RECK: variants seen among roughly 807,000 people sequenced by gnomAD.
RECK encodes the protein reversion-inducing cysteine-rich protein with Kazal motifs.
Under a neutral mutation model 115.1 loss-of-function variants are expected in RECK, and 69 were observed. That is an observed-to-expected ratio of 0.60 (90% CI 0.49 to 0.73). The LOEUF is 0.73. Among genes scored for constraint, RECK ranks in the 30% least tolerant of loss-of-function variants. The pLI, the probability that RECK is intolerant of heterozygous loss-of-function variation, is 0.00. For missense variants in RECK, 1,047 were observed against 1,203.7 expected (o/e 0.87, Z 1.93); for synonymous variants, 414 against 419.7 (o/e 0.99, Z 0.17).
intron 17 of RECK, among the ~76,000 whole-genome samples, chr9:36,117,440 C>T (rs1471663397): frequency 6.6e-6 from 1 of 152,176 alleles, no homozygotes. Flanking sequence ...AGGAAAAGAA[C>T]TTAAAAGTTT....
chr9:36,111,987 G>C (rs911346959), intron 15 of RECK, among the ~76,000 whole-genome samples: 2 of 151,410 alleles, frequency 1.3e-5, no homozygotes, highest in African/African-American at 4.9e-5. Context: ...GCTGGGCGTG[G>C]TGGCATGCGC....
At chr9:36,045,466 A>T (rs1490015585) in intron 1 of RECK, among the ~76,000 whole-genome samples, 1 of 152,052 alleles carries the variant, frequency 6.6e-6, no homozygotes, top group African/African-American at 2.4e-5. Context: ...TTTCTCCTGA[A>T]GTGTGTAATA....
At position 36,094,769 on chromosome 9, in the gene RECK, GAT is replaced by G. The variant is rs1823276456; in HGVS notation, c.1085+3428_1085+3429del. On this transcript the variant is annotated intron_variant, in intron 10 of 20. Transcript: ENST00000377966. This position sits in a 1 kb window ranked among gnomAD's most constrained non-coding sequence, Gnocchi z 4.1. Reference sequence around the variant, plus strand: ...CTAGATATATATGCACCTAATGTCAGATAGATGCATATACTCAAAATACTTAA... The same window carrying G: ...CTAGATATATATGCACCTAATGTCAGAGATGCATATACTCAAAATACTTAA... Among the ~76,000 whole-genome samples the G allele has an allele frequency of 6.6e-6, 1 of 152,132 alleles. No individual in the cohort carries two copies. The highest frequency in any genetic ancestry group is 2.4e-5 in the African/African-American group (1 of 41,440).
chr9:36,121,763 C>T (rs1824470207), intron 20 of RECK, 75 bp downstream of exon 20: 1 of 1,487,698 alleles, frequency 6.7e-7, no homozygotes, highest in South Asian at 1.2e-5. Flanking sequence ...TGGGCACAAA[C>T]TAGGACCGAG....
At chr9:36,105,066 C>T (rs981937118) in intron 12 of RECK, 77 bp from the exon 13 acceptor site, 1 of 1,233,216 alleles carries the variant, frequency 8.1e-7, no homozygotes, top group Admixed American at 2.1e-5. Context: ...TTATTCCAGC[C>T]ATAATTAATT....
At chr9:36,113,417 A>G (rs1296725136) in intron 16 of RECK, among the ~76,000 whole-genome samples, 4 of 152,218 alleles carry the variant, frequency 2.6e-5, no homozygotes, top group Non-Finnish European at 4.4e-5. Context: ...AATCCAAGAA[A>G]GTTTCTATGG....
rs749199986 is a variant in RECK at position 36,121,604 on chromosome 9, G to A, written c.2610G>A (p.Gln870=). The A allele has an allele frequency of 1.8e-5, 29 of 1,614,022 alleles. No homozygotes were observed. The East Asian group carries it at 3.8e-4, about 21-fold the overall frequency. ...TCCGCATGCACGTGTCTGTCCCACA[G>A]TGTGATGTGTTTGGATACTTCAGCA... The part of the protein sequence containing the change: ...QKIRMHVSVP[Q]CDVFGYFSIE... Residue 870 remains glutamine (Q), a synonymous_variant, in exon 20 of 21, where the codon CAG becomes CAA. Transcript: ENST00000377966.
At chr9:36,105,347 T>C in intron 13 of RECK, 64 bp downstream of exon 13, 1 of 1,544,346 alleles carries the variant, frequency 6.5e-7, no homozygotes, top group Non-Finnish European at 8.9e-7. Flanking sequence ...TTATAGGAGC[T>C]ATCTTTCTTT....
intron 11 of RECK, among the ~76,000 whole-genome samples, chr9:36,101,508 C>G (rs1010478968): frequency 6.6e-6 from 1 of 152,250 alleles, no homozygotes; most frequent in African/African-American, 2.4e-5. Context: ...TCTGACATGG[C>G]TTCGGGATAA....
At chr9:36,050,060 C>T (rs553818947) in intron 1 of RECK, among the ~76,000 whole-genome samples, 15 of 152,292 alleles carry the variant, frequency 9.8e-5, no homozygotes, top group Admixed American at 4.6e-4. Context: ...ATGCATTGCT[C>T]AGTTCTCAGA....
chr9:36,065,666 G>A (rs916560386), intron 6 of RECK, 42 bp downstream of exon 6: 2 of 1,420,024 alleles, frequency 1.4e-6, no homozygotes, highest in African/African-American at 1.5e-5. Context: ...CTATTCAGAT[G>A]TTATCAGAAT....
At chr9:36,110,834 G>A (rs746257337) in intron 15 of RECK, among the ~76,000 whole-genome samples, 10 of 151,890 alleles carry the variant, frequency 6.6e-5, no homozygotes, top group Non-Finnish European at 1.3e-4. Context: ...TGGAGGAGAG[G>A]AGAGTAAGGA....
chr9:36,076,408 C>T (rs1435646991), intron 6 of RECK, among the ~76,000 whole-genome samples: 2 of 152,194 alleles, frequency 1.3e-5, no homozygotes, highest in African/African-American at 4.8e-5. Flanking sequence ...GGGTCTTCCC[C>T]ACCAAAAGGA....
At position 36,112,373 on chromosome 9, in the gene RECK, G is replaced by A. The variant is rs760636740; in HGVS notation, c.1957G>A (p.Ala653Thr). The change falls in exon 16 of 21, where the codon GCC (alanine) becomes ACC (threonine). Residue 653 changes from alanine to threonine, a missense_variant. By Grantham distance (58) the Ala-to-Thr change is moderately conservative (BLOSUM62 0). Transcript: ENST00000377966. ...GCAGAATGGGCGCACTTACCCCAGTGCCTGCATTGCTCGCTGTGTGGGCCT... is the reference window on the plus strand; with the variant it reads ...GCAGAATGGGCGCACTTACCCCAGTACCTGCATTGCTCGCTGTGTGGGCCT... ...CGQNGRTYPS[A>T]CIARCVGLQD... is the part of the protein sequence containing the mutation. The A allele has an allele frequency of 1.9e-6, 3 of 1,613,920 alleles. No homozygotes were observed. Among genetic ancestry groups the A allele is most frequent in the Non-Finnish European group, 2.5e-6 (3 of 1,180,030 alleles).
intron 6 of RECK, among the ~76,000 whole-genome samples, chr9:36,071,746 T>C (rs1822238320): frequency 6.6e-6 from 1 of 152,178 alleles, no homozygotes. Context: ...TTAAGGCAGT[T>C]AAGTTTTAAA....
At chr9:36,100,676 C>G (rs1195666302) in intron 11 of RECK, 133 bp downstream of exon 11, 4 of 617,232 alleles carry the variant, frequency 6.5e-6, no homozygotes, top group Admixed American at 2.9e-5. Flanking sequence ...AAATGCTTTC[C>G]CACTTTTTCC....
At chr9:36,042,005 G>C (rs1319010718) in intron 1 of RECK, among the ~76,000 whole-genome samples, 1 of 151,926 alleles carries the variant, frequency 6.6e-6, no homozygotes, top group African/African-American at 2.4e-5. Context: ...AATATAGTGA[G>C]AGAAATTTTT....
chr9:36,109,960 A>T lies in RECK; in HGVS notation c.1769A>T (p.His590Leu), dbSNP rs755202585. The T allele has an allele frequency of 8.7e-6, 14 of 1,611,522 alleles. No homozygotes were observed. Among genetic ancestry groups the T allele is most frequent in the Admixed American group, 1.7e-5 (1 of 59,978 alleles). Residue 590 changes from histidine to leucine, a missense_variant, in exon 15 of 21, where the codon CAT becomes CTT. Transcript: ENST00000377966. ...SCIVGGKRKS[H>L]GTSFSIDCNV... ...ATTTTCTTTCTGTTTCTGTCAGGTC[A>T]TGGAACATCCTTTAGTATTGACTGC...
Position 36,091,319 on chromosome 9 carries a change from C to A in RECK, c.1061C>A (p.Thr354Asn). The A allele has an allele frequency of 6.4e-7, 1 of 1,569,484 alleles. No homozygotes were observed. Among genetic ancestry groups the A allele is most frequent in the East Asian group, 2.3e-5 (1 of 42,986 alleles). Residue 354 changes from threonine (T) to asparagine (N), a missense_variant, in exon 10 of 21, where the codon ACT becomes AAT. Physicochemically the swap from Thr to Asn is moderately conservative, Grantham distance 65. Coordinates refer to ENST00000377966, the MANE Select transcript of RECK (RefSeq NM_021111.3). ...TGCCAGTTGGGCTGTAGAAACCTTA[C>A]TTACTGTACTAATTTTAACAACAGG... ...EPCQLGCRNL[T>N]YCTNFNNRPT...
Sources: gnomAD v4.1 joint callset for allele counts (sites outside exome capture counted in the v4.1 genomes callset) on GRCh38, gnomAD v4.1.1 for gene constraint, Gnocchi (gnomAD v3.1) non-coding constraint, MANE v1.5 for transcripts, NCBI Gene and HGNC (gene_info 2026-07-23, HGNC 2026-07-21) for gene names.